Variants in RBBP7 observed in about 807,000 individuals in gnomAD.
RBBP7 encodes the protein RB binding protein 7, chromatin remodeling factor, also known as histone-binding protein RBBP7.
RBBP7 carries 5 observed loss-of-function variants against 35.2 expected under a neutral mutation model. That is an observed-to-expected ratio of 0.14 (90% confidence interval 0.07 to 0.30). RBBP7 has a LOEUF of 0.30. Ranked by LOEUF, RBBP7 falls within the 10% of genes least tolerant of loss-of-function variation. The probability of loss-of-function intolerance (pLI) is 1.00; values close to 1 mark genes in which losing one functional copy is unlikely to be tolerated. For missense variants in RBBP7, 155 were observed against 327.5 expected (o/e 0.47, Z 4.07); for synonymous variants, 140 against 118.7 (o/e 1.18, Z -1.17).
At chrX:16,851,764 A>C (rs1395069330) in intron 9 of RBBP7, among the ~76,000 whole-genome samples, 4 of 112,843 alleles carry the variant, frequency 3.5e-5, no homozygotes, top group Non-Finnish European at 7.5e-5. Context: ...GTGTGTTTTA[A>C]ATACAGTCAT....
intron 2 of RBBP7, among the ~76,000 whole-genome samples, chrX:16,865,219 CACAAAAA>C (rs1213356484): frequency 1.2e-4 from 13 of 110,335 alleles, no homozygotes; most frequent in Non-Finnish European, 2.1e-4. Flanking sequence ...ATCCCATCTC[CACAAAAA>C]ACAAAAAACA....
chrX:16,854,985 G>GT (rs150641871), intron 5 of RBBP7, among the ~76,000 whole-genome samples: 263 of 93,893 alleles, frequency 2.8e-3, no homozygotes, highest in South Asian at 0.016. Context: ...ACTGGTATGG[G>GT]TTTTTTTTTT....
intron 5 of RBBP7, among the ~76,000 whole-genome samples, chrX:16,855,027 G>C (rs1930314551): frequency 9.9e-6 from 1 of 101,172 alleles, no homozygotes; most frequent in South Asian, 4.7e-4. Flanking sequence ...ATCATGAAAG[G>C]GCTTCATCTG....
chrX:16,852,365 C>A, intron 8 of RBBP7, 186 bp downstream of exon 8: 1 of 569,617 alleles, frequency 1.8e-6, no homozygotes. Flanking sequence ...ATTTATTCGA[C>A]CCCATAACCA....
chrX:16,845,135 A>G, intron 11 of RBBP7, 32 bp from the exon 12 acceptor site: 1 of 1,044,303 alleles, frequency 9.6e-7, no homozygotes, highest in South Asian at 1.9e-5. Flanking sequence ...CACAGGTAAA[A>G]ACTCCCTATG....
At chrX:16,852,230 C>A in intron 8 of RBBP7, 108 bp from the exon 9 acceptor site, 2 of 742,055 alleles carry the variant, frequency 2.7e-6, no homozygotes, top group Admixed American at 5.1e-5. Context: ...TTATCTTATC[C>A]TTGGCCTGAT....
intron 3 of RBBP7, among the ~76,000 whole-genome samples, 155 bp from the exon 4 acceptor site, chrX:16,859,004 T>G (rs1930409421): frequency 8.9e-6 from 1 of 112,015 alleles, no homozygotes; most frequent in African/African-American, 3.2e-5. Context: ...CCCAAAAATG[T>G]GGGTTCATTT....
chrX:16,850,600 C>T lies in RBBP7; in HGVS notation c.1041-1299G>A, dbSNP rs191419496. Among the ~76,000 whole-genome samples the T allele has an allele frequency of 4.5e-3, 504 of 112,858 alleles. 2 individuals are homozygous for T. Among genetic ancestry groups the T allele is most frequent in the African/African-American group, 0.015 (463 of 31,132 alleles). ...TTTCTACATCTTCAAGTATTTATCA[C>T]GGCAAGAGTTTGCTCCATCAGAACC... is the stretch of plus-strand genomic sequence containing the variant. On this transcript the variant is annotated intron_variant, in intron 9 of 11. Transcript: ENST00000380087.
At position 16,860,003 on chromosome X, in the gene RBBP7, T is replaced by C. The variant is rs771633716; in HGVS notation, c.308-1154A>G. 2.7e-5 allele frequency among the ~76,000 whole-genome samples: 3 copies of C among 111,088 alleles called. No individual in the cohort carries two copies. In the South Asian group the frequency reaches 1.2e-3, roughly 43 times the overall value. The stretch of plus-strand genomic sequence containing the variant: ...ATCCACGATTACTCCAAAGCTCCTC[T>C]ACCCACTACTCTCATGTGACCACAT... On this transcript the variant is annotated intron_variant, in intron 3 of 11. Coordinates refer to ENST00000380087, the MANE Select transcript of RBBP7 (RefSeq NM_002893.4).
intron 3 of RBBP7, among the ~76,000 whole-genome samples, chrX:16,859,415 C>T (rs1930417530): frequency 8.9e-6 from 1 of 111,874 alleles, no homozygotes; most frequent in African/African-American, 3.3e-5. Context: ...AGTGCAGTGC[C>T]AAGGTTAACC....
chrX:16,856,702 A>G (rs1930362498), intron 5 of RBBP7, among the ~76,000 whole-genome samples: 1 of 111,929 alleles, frequency 8.9e-6, no homozygotes, highest in Non-Finnish European at 1.9e-5. Flanking sequence ...ACATTTGTAC[A>G]TTGCTTGTGG....
At chrX:16,864,126 T>C (rs1163249277) in intron 2 of RBBP7, among the ~76,000 whole-genome samples, 1 of 107,822 alleles carries the variant, frequency 9.3e-6, no homozygotes, top group Admixed American at 1.0e-4. Context: ...TGGCTTACGG[T>C]AAAAAAGTGT....
In RBBP7 at chrX:16,870,118, GAC is replaced by G. The variant is rs1930747712; in HGVS notation, c.-67_-66del. ...TCCTCTCGTTAGCCAAGAGCAGCCCGACCGCTGGCGCTCCTGCCTTTCCCAAG... is the reference window on the plus strand; with the variant it reads ...TCCTCTCGTTAGCCAAGAGCAGCCCGCGCTGGCGCTCCTGCCTTTCCCAAG... On this transcript the variant is annotated 5_prime_UTR_variant, in exon 1 of 12. An upstream open reading frame in the 5' UTR loses its in-frame stop. Transcript: ENST00000380087. The G allele has an allele frequency of 9.7e-7, 1 of 1,035,997 alleles. No individual in the cohort carries two copies. The highest frequency in any genetic ancestry group is 2.0e-5 in the African/African-American group (1 of 50,069). The allele number at this position is 1,035,997 out of a possible 1,213,427, so 85.4% of individuals were successfully genotyped here.
chrX:16,848,276 A>G (rs1283269654), intron 10 of RBBP7: 1 of 111,648 alleles, frequency 9.0e-6, no homozygotes, highest in East Asian at 2.8e-4. Flanking sequence ...AGAACAAAAA[A>G]AGAAAAAAAA....
chrX:16,846,671 A>C (rs1223123326), intron 10 of RBBP7: 2 of 112,338 alleles, frequency 1.8e-5, no homozygotes, highest in Non-Finnish European at 3.8e-5. Context: ...TTAAGATTTA[A>C]ACGAAACACT....
chrX:16,852,373 C>A, intron 8 of RBBP7, 178 bp downstream of exon 8: 1 of 587,070 alleles, frequency 1.7e-6, no homozygotes, highest in Non-Finnish European at 2.9e-6. Context: ...GACCCCATAA[C>A]CATCCCAGAA....
At chrX:16,869,740 C>A (rs1930727116) in intron 1 of RBBP7, 5 of 972,522 alleles carry the variant, frequency 5.1e-6, no homozygotes, top group South Asian at 9.0e-5. Flanking sequence ...CGCTTCCCAG[C>A]GGCGGGGGCC....
At chrX:16,869,865 C>T (rs1427663041) in intron 1 of RBBP7, 173 bp downstream of exon 1, 29 of 835,362 alleles carry the variant, frequency 3.5e-5, no homozygotes, top group African/African-American at 4.5e-5. Flanking sequence ...TCGGAGCCCT[C>T]GGCGCGGCGG....
intron 9 of RBBP7, among the ~76,000 whole-genome samples, chrX:16,851,546 T>C (rs1237419928): frequency 9.0e-6 from 1 of 111,651 alleles, no homozygotes; most frequent in Non-Finnish European, 1.9e-5. Flanking sequence ...CCAGAGAACA[T>C]AAGCTCTCTG....
Sources: gnomAD v4.1 joint callset for allele counts (sites outside exome capture counted in the v4.1 genomes callset) on GRCh38, gnomAD v4.1.1 for gene constraint, MANE v1.5 for transcripts, NCBI Gene and HGNC (gene_info 2026-07-23, HGNC 2026-07-21) for gene names.